APBA1: variants seen among roughly 807,000 people sequenced by gnomAD.
The protein encoded by APBA1 is amyloid-beta A4 precursor protein-binding family A member 1.
Under a neutral mutation model 86.6 loss-of-function variants are expected in APBA1, and 55 were observed. The observed-to-expected ratio is 0.64, with a 90% CI of 0.51 to 0.80. APBA1 has a LOEUF of 0.80. Ranked by LOEUF, APBA1 falls within the 30% of genes least tolerant of loss-of-function variation. APBA1 has a pLI of 0.00. For missense variants in APBA1, 1,090 were observed against 1,183.0 expected (o/e 0.92, Z 1.15); for synonymous variants, 511 against 493.9 (o/e 1.03, Z -0.46).
chr9:69,514,664 T>C (rs1270027885), intron 2 of APBA1, among the ~76,000 whole-genome samples: 1 of 151,940 alleles, frequency 6.6e-6, no homozygotes, highest in Non-Finnish European at 1.5e-5. Context: ...ATCCCAGCAC[T>C]TGGGGAGGCC....
At chr9:69,667,099 C>T (rs988645899) in intron 1 of APBA1, among the ~76,000 whole-genome samples, 1 of 152,096 alleles carries the variant, frequency 6.6e-6, no homozygotes, top group South Asian at 2.1e-4. Flanking sequence ...ACATTTTTCC[C>T]CATTGTTTTA....
chr9:69,553,763 A>G (rs1381585387), intron 1 of APBA1, among the ~76,000 whole-genome samples: 2 of 152,350 alleles, frequency 1.3e-5, no homozygotes, highest in East Asian at 3.9e-4. Flanking sequence ...ACTGTTCTAC[A>G]TACTTTACAT....
Position 69,595,806 on chromosome 9 carries a change from T to A in APBA1, c.-70+76347A>T, listed in dbSNP as rs543675357. Among the ~76,000 whole-genome samples the A allele has an allele frequency of 2.0e-5, 3 of 152,194 alleles. No individual in the cohort carries two copies. The South Asian group carries it at 6.2e-4, about 32-fold the overall frequency. On this transcript the variant is annotated intron_variant, in intron 1 of 12. Transcript: ENST00000265381. ...CAGTCTGAGGGTAGCTCTTTCAGTA[T>A]CTAAGCTCTAAGCTCTGAAGAGACC...
At chr9:69,504,852 GGGA>G (rs1835930266) in intron 2 of APBA1, among the ~76,000 whole-genome samples, 1 of 152,048 alleles carries the variant, frequency 6.6e-6, no homozygotes, top group African/African-American at 2.4e-5. Context: ...ATCTTCTGCG[GGGA>G]GGAGGAGTCG....
chr9:69,531,985 T>C (rs1161816262), intron 1 of APBA1, among the ~76,000 whole-genome samples: 1 of 152,208 alleles, frequency 6.6e-6, no homozygotes, highest in Admixed American at 6.5e-5. Flanking sequence ...TTAAATAAGC[T>C]AATGTAGCTC....
At chr9:69,538,952 C>T (rs1304750885) in intron 1 of APBA1, among the ~76,000 whole-genome samples, 2 of 152,184 alleles carry the variant, frequency 1.3e-5, no homozygotes. Context: ...AGTCATTTTA[C>T]TTAACTACTG....
rs776472928 is a variant in APBA1, at chr9:69,441,011, G to A, written c.2286C>T (p.Ser762=). Residue 762 remains serine (S), a synonymous_variant, in exon 11 of 13, where the codon AGC becomes AGT. Coordinates refer to ENST00000265381, the MANE Select transcript of APBA1 (RefSeq NM_001163.4). ...TTCTACTTACAATTCCATTCTGGAC[G>A]CTGAAACCGAGCTGGTAGCGAAGGT... The part of the protein sequence containing the change: ...RPDLRYQLGF[S]VQNGIICSLM... 69 of 1,613,716 alleles carry A rather than the reference G, an allele frequency of 4.3e-5. No homozygotes were observed. Among genetic ancestry groups the A allele is most frequent in the East Asian group, 8.9e-5 (4 of 44,886 alleles).
intron 2 of APBA1, 101 bp downstream of exon 2, chr9:69,515,910 A>G (rs1836132597): frequency 4.7e-6 from 6 of 1,287,732 alleles, no homozygotes; most frequent in Admixed American, 2.6e-5. Context: ...CCCACAGACT[A>G]CTTCCCGTAA....
chr9:69,547,903 C>A (rs564815802), intron 1 of APBA1, among the ~76,000 whole-genome samples: 1 of 152,288 alleles, frequency 6.6e-6, no homozygotes, highest in Non-Finnish European at 1.5e-5. Flanking sequence ...AAAATGGCCT[C>A]CAAAGATGTC....
At chr9:69,658,260 C>CTT (rs772342619) in intron 1 of APBA1, among the ~76,000 whole-genome samples, 462 of 21,158 alleles carry the variant, frequency 0.022, 6 homozygotes, top group Non-Finnish European at 0.059. Flanking sequence ...TTCTTTCTTT[C>CTT]TTTCTTTCTT....
chr9:69,533,174 A>G (rs767493910), intron 1 of APBA1, among the ~76,000 whole-genome samples: 3 of 152,184 alleles, frequency 2.0e-5, no homozygotes, highest in Non-Finnish European at 4.4e-5. Context: ...TGTATGTATG[A>G]TGGAGGGGAC....
chr9:69,636,751 C>T (rs570850448), intron 1 of APBA1, among the ~76,000 whole-genome samples: 1 of 141,144 alleles, frequency 7.1e-6, no homozygotes, highest in African/African-American at 2.6e-5. Context: ...GCCATGATGG[C>T]ACCACTGCAC....
At chr9:69,622,833 T>C (rs1261304876) in intron 1 of APBA1, among the ~76,000 whole-genome samples, 1 of 152,186 alleles carries the variant, frequency 6.6e-6, no homozygotes, top group African/African-American at 2.4e-5. Flanking sequence ...ATGATTGGTA[T>C]AATTTCCCAA....
intron 1 of APBA1, among the ~76,000 whole-genome samples, chr9:69,655,418 TTAG>T (rs1482583151): frequency 6.6e-6 from 1 of 151,900 alleles, no homozygotes; most frequent in Non-Finnish European, 1.5e-5. Flanking sequence ...ACATGGAAAA[TTAG>T]TAGCATTTCT....
intron 1 of APBA1, among the ~76,000 whole-genome samples, chr9:69,644,391 T>C (rs1249003947): frequency 6.6e-6 from 1 of 152,224 alleles, no homozygotes; most frequent in Non-Finnish European, 1.5e-5. Flanking sequence ...ACCATGTTCA[T>C]GCCAGTATTT....
chr9:69,516,493 C>G lies in APBA1; in HGVS notation c.718G>C (p.Glu240Gln). The change falls in exon 2 of 13, where the codon GAG becomes CAG. Residue 240 changes from glutamate to glutamine, a missense_variant. By Grantham distance (29) the Glu-to-Gln change is conservative. Around this residue, in one of 6 missense-constraint regions of APBA1, gnomAD observed 678 missense variants for 647.1 expected, o/e 1.05. Transcript: ENST00000265381. This position sits in a 1 kb window ranked among gnomAD's most constrained non-coding sequence, Gnocchi z 7.3. ...CTGTCGGACTCGCCGTCGGAGCGCT[C>G]GTCGTAATGGTGCAGCCGCGCGCCC... ...ALGARLHHYD[E>Q]RSDGESDSPE... The G allele has an allele frequency of 1.9e-6, 3 of 1,598,834 alleles. No homozygotes were observed. Among genetic ancestry groups the G allele is most frequent in the Non-Finnish European group, 2.5e-6 (3 of 1,178,058 alleles).
chr9:69,581,408 G>T (rs1437273512), intron 1 of APBA1, among the ~76,000 whole-genome samples: 1 of 152,036 alleles, frequency 6.6e-6, no homozygotes, highest in East Asian at 1.9e-4. Context: ...AAGAAGTTCT[G>T]CCTCCTTTGG....
intron 10 of APBA1, among the ~76,000 whole-genome samples, chr9:69,442,196 T>C (rs563417279): frequency 1.3e-5 from 2 of 152,172 alleles, no homozygotes; most frequent in African/African-American, 2.4e-5. Flanking sequence ...CATTGCCACA[T>C]GGAGGAGAAG....
At chr9:69,489,117 T>C (rs1040555449) in intron 2 of APBA1, among the ~76,000 whole-genome samples, 7 of 152,012 alleles carry the variant, frequency 4.6e-5, no homozygotes, top group Non-Finnish European at 7.4e-5. Flanking sequence ...CTTCACAGAA[T>C]TGGAAAAAAC....
Sources: gnomAD v4.1 joint callset for allele counts (sites outside exome capture counted in the v4.1 genomes callset) on GRCh38, gnomAD v4.1.1 for gene constraint, gnomAD v4.1.1 regional missense constraint, Gnocchi (gnomAD v3.1) non-coding constraint, MANE v1.5 for transcripts, NCBI Gene and HGNC (gene_info 2026-07-23, HGNC 2026-07-21) for gene names.